AGXT2: variants seen among roughly 807,000 people sequenced by gnomAD.
AGXT2 encodes the protein alanine--glyoxylate aminotransferase 2.
A neutral mutation model predicts 62.5 loss-of-function variants in AGXT2; 61 were observed. The observed-to-expected ratio is 0.98, with a 90% CI of 0.79 to 1.21. The LOEUF is 1.21. Ranked by LOEUF, AGXT2 falls within the 50% of genes most tolerant of loss-of-function variation. AGXT2 has a pLI of 0.00. For missense variants in AGXT2, 666 were observed against 641.5 expected, an observed-to-expected ratio of 1.04 and a Z score of -0.41; for synonymous variants, 243 against 218.7, an observed-to-expected ratio of 1.11 and a Z score of -0.98.
At chr5:35,015,897 C>T (rs1284728533) in intron 9 of AGXT2, among the ~76,000 whole-genome samples, 1 of 148,290 alleles carries the variant, frequency 6.7e-6, no homozygotes, top group Non-Finnish European at 1.5e-5. Flanking sequence ...TTTCAGATTC[C>T]TTTCTCATTT....
At chr5:35,047,750 G>A in intron 1 of AGXT2, 55 bp downstream of exon 1, 1 of 1,601,504 alleles carries the variant, frequency 6.2e-7, no homozygotes, top group Non-Finnish European at 8.5e-7. Context: ...CGGAGCTCAA[G>A]TCTTACCCTC....
At chr5:35,013,880 G>A (rs1235956738) in intron 10 of AGXT2, 107 bp downstream of exon 10, 5 of 1,501,002 alleles carry the variant, frequency 3.3e-6, no homozygotes, top group African/African-American at 1.4e-5. Flanking sequence ...AATGCATCAT[G>A]TGGTTTCCAT....
intron 9 of AGXT2, among the ~76,000 whole-genome samples, chr5:35,015,642 G>T (rs1029501620): frequency 6.6e-6 from 1 of 152,004 alleles, no homozygotes; most frequent in Non-Finnish European, 1.5e-5. Context: ...CTGAGGTCCG[G>T]AGTTTGAGAC....
chr5:35,024,415 C>G, intron 9 of AGXT2, among the ~76,000 whole-genome samples: 1 of 152,140 alleles, frequency 6.6e-6, no homozygotes, highest in South Asian at 2.1e-4. Context: ...AGACAGAGGA[C>G]TGCTTTATTT....
At chr5:35,020,006 T>C (rs1333805128) in intron 9 of AGXT2, among the ~76,000 whole-genome samples, 3 of 152,130 alleles carry the variant, frequency 2.0e-5, no homozygotes, top group Non-Finnish European at 4.4e-5. Context: ...ACATACACTC[T>C]CCCAAGACTA....
chr5:35,033,184 G>T, intron 6 of AGXT2: 1 of 492,582 alleles, frequency 2.0e-6, no homozygotes, highest in Non-Finnish European at 3.7e-6. Context: ...CTGCATAGAA[G>T]TTTTGTGCAT....
At chr5:35,032,679 G>A (rs1767612626) in intron 7 of AGXT2, 53 bp downstream of exon 7, 27 of 1,443,314 alleles carry the variant, frequency 1.9e-5, no homozygotes, top group Middle Eastern at 2.0e-4. Context: ...GCCTTTATTC[G>A]TGTCCCTTCC....
At chr5:35,032,683 C>A in intron 7 of AGXT2, 49 bp downstream of exon 7, 1 of 1,472,852 alleles carries the variant, frequency 6.8e-7, no homozygotes, top group Non-Finnish European at 9.4e-7. Flanking sequence ...TTATTCGTGT[C>A]CCTTCCAACT....
At chr5:35,015,405 C>A (rs1766814499) in intron 9 of AGXT2, among the ~76,000 whole-genome samples, 1 of 152,182 alleles carries the variant, frequency 6.6e-6, no homozygotes, top group Admixed American at 6.5e-5. Context: ...TCTGCCAGAG[C>A]CTTTCTGGTG....
At chr5:35,043,285 A>T (rs1047821677) in intron 1 of AGXT2, among the ~76,000 whole-genome samples, 1 of 152,192 alleles carries the variant, frequency 6.6e-6, no homozygotes, top group African/African-American at 2.4e-5. Context: ...AGTATTTATT[A>T]AGGGCTTCCT....
rs35937337 is a variant in AGXT2 at position 35,031,943 on chromosome 5, C to CT, written c.769+788dup. 2.4e-4 allele frequency among the ~76,000 whole-genome samples: 26 copies of CT among 108,432 alleles called. No individual in the cohort carries two copies. The East Asian group carries it at 3.1e-3, about 13-fold the overall frequency. The allele number at this position is 108,432 out of a possible 152,430, so 71.1% of individuals were successfully genotyped here. On this transcript the variant is annotated intron_variant, in intron 7 of 13. Coordinates refer to ENST00000231420, the MANE Select transcript of AGXT2 (RefSeq NM_031900.4). Reference sequence around the variant, plus strand: ...TTTTCATTTTAGAGATGGGATCTTGCTTTTTTTTTTTTTTTTTTTTTTTTT... The same window carrying CT: ...TTTTCATTTTAGAGATGGGATCTTGCTTTTTTTTTTTTTTTTTTTTTTTTTT...
intron 6 of AGXT2, chr5:35,033,231 A>G: frequency 1.9e-6 from 1 of 537,350 alleles, no homozygotes; most frequent in Non-Finnish European, 3.3e-6. Flanking sequence ...ACTTGATTTT[A>G]TTTAAAAGCA....
chr5:35,038,749 T>C (rs983052417), intron 3 of AGXT2, among the ~76,000 whole-genome samples: 1 of 152,226 alleles, frequency 6.6e-6, no homozygotes, highest in African/African-American at 2.4e-5. Flanking sequence ...GAGCACTGCA[T>C]GGAAACCAAG....
At chr5:35,033,317 T>G in intron 6 of AGXT2, 143 bp downstream of exon 6, 1 of 714,282 alleles carries the variant, frequency 1.4e-6, no homozygotes, top group Non-Finnish European at 2.5e-6. Context: ...TCAAGTGGTC[T>G]CCAATTCAAT....
intron 13 of AGXT2, among the ~76,000 whole-genome samples, chr5:35,002,927 G>A (rs1442927809): frequency 2.0e-5 from 3 of 152,222 alleles, no homozygotes; most frequent in Non-Finnish European, 4.4e-5. Flanking sequence ...AGGCAGGGAT[G>A]GAGCAGGGAA....
chr5:35,007,178 G>C (rs1766458080), intron 12 of AGXT2, among the ~76,000 whole-genome samples: 1 of 152,160 alleles, frequency 6.6e-6, no homozygotes, highest in African/African-American at 2.4e-5. Context: ...TCATTTACTA[G>C]GTGAGGGCAC....
At chr5:35,027,494 C>T (rs529319104) in intron 7 of AGXT2, among the ~76,000 whole-genome samples, 40 of 152,184 alleles carry the variant, frequency 2.6e-4, no homozygotes, top group Non-Finnish European at 5.4e-4. Context: ...CTTTCTTATT[C>T]TTCACAGTGT....
chr5:35,010,983 G>T (rs1474458851), intron 11 of AGXT2, among the ~76,000 whole-genome samples: 4 of 152,060 alleles, frequency 2.6e-5, no homozygotes, highest in African/African-American at 9.7e-5. Context: ...AGATATAAAA[G>T]GATTTTTACC....
chr5:35,034,652 T>C (rs758370453), intron 5 of AGXT2, among the ~76,000 whole-genome samples: 14 of 152,226 alleles, frequency 9.2e-5, no homozygotes, highest in Admixed American at 6.5e-5. Flanking sequence ...TTTTTAGTGC[T>C]AATGTAGCCA....
Sources: gnomAD v4.1 joint callset for allele counts (sites outside exome capture counted in the v4.1 genomes callset) on GRCh38, gnomAD v4.1.1 for gene constraint, MANE v1.5 for transcripts, NCBI Gene and HGNC (gene_info 2026-07-23, HGNC 2026-07-21) for gene names.